Variants in GALNT16 observed in about 807,000 individuals in gnomAD.
The protein encoded by GALNT16 is polypeptide N-acetylgalactosaminyltransferase 16, also known as UDP-GalNAc:polypeptide N-acetylgalactosaminyltransferase-like protein 1.
A neutral mutation model predicts 76.1 loss-of-function variants in GALNT16; 40 were observed. The ratio of observed to expected loss-of-function variants is 0.53; its 90% CI spans 0.41 to 0.68. The LOEUF is 0.68. GALNT16 is among the 30% of genes least tolerant of loss of function. GALNT16 has a pLI of 0.00. For synonymous variants in GALNT16, 276 were observed against 285.2 expected, an observed-to-expected ratio of 0.97 and a Z score of 0.32; for missense variants, 621 against 731.9, an observed-to-expected ratio of 0.85 and a Z score of 1.75.
intron 6 of GALNT16, among the ~76,000 whole-genome samples, 191 bp downstream of exon 6, chr14:69,328,762 C>T (rs2045317647): frequency 6.6e-6 from 1 of 152,180 alleles, no homozygotes; most frequent in South Asian, 2.1e-4. Context: ...TCATAATTAT[C>T]CCACTGGGTT....
intron 1 of GALNT16, among the ~76,000 whole-genome samples, chr14:69,262,854 T>C (rs955407177): frequency 2.6e-5 from 4 of 151,610 alleles, no homozygotes; most frequent in East Asian, 3.9e-4. Context: ...CATCCCCACA[T>C]TGATGCACAC....
In GALNT16 at chr14:69,261,928, T is replaced by A. The variant is rs1566855670; in HGVS notation, c.177+1461T>A. ...CCCAGGACACTGTTTCCAAAGCACT[T>A]GTCGCCCTTTGGACAGAAAACTGAT... On this transcript the variant is annotated intron_variant, in intron 1 of 14. Transcript: ENST00000448469. The surrounding 1 kb of genome is among the most constrained non-coding windows in gnomAD (Gnocchi z 6.4). Among the ~76,000 whole-genome samples the A allele has an allele frequency of 6.6e-6, 1 of 152,184 alleles. No homozygotes were observed. Among genetic ancestry groups the A allele is most frequent in the Admixed American group, 6.5e-5 (1 of 15,286 alleles).
intron 1 of GALNT16, among the ~76,000 whole-genome samples, 171 bp from the exon 2 acceptor site, chr14:69,320,540 C>G (rs1325369268): frequency 6.6e-6 from 1 of 152,056 alleles, no homozygotes. Flanking sequence ...CCTCTTGAGC[C>G]TCAGTTTTCT....
At chr14:69,365,874 G>A in the GALNT16 span, among the ~76,000 whole-genome samples, 2 of 152,250 alleles carry the variant, frequency 1.3e-5, no homozygotes, top group South Asian at 2.1e-4. Context: ...AGGCACAGGC[G>A]ACACAGCAGT....
intron 1 of GALNT16, among the ~76,000 whole-genome samples, chr14:69,263,326 G>A (rs1474862673): frequency 1.3e-5 from 2 of 152,232 alleles, no homozygotes; most frequent in Non-Finnish European, 2.9e-5. Flanking sequence ...GTACGTTCAA[G>A]CTTCTGCAGG....
chr14:69,302,821 A>G (rs1221675430), intron 1 of GALNT16, among the ~76,000 whole-genome samples: 1 of 152,252 alleles, frequency 6.6e-6, no homozygotes, highest in Non-Finnish European at 1.5e-5. Flanking sequence ...AACAAATACT[A>G]TAAAAAAGAA....
rs1475531254 is a variant in GALNT16, at chr14:69,284,770, TG to T, written c.177+24306del. ...TAGTTCCCATAATCCCCATGTGTCG[TG>T]GGAGGGACCTGGTGGGAGGTAATTA... On this transcript the variant is annotated intron_variant, in intron 1 of 14. Coordinates refer to ENST00000448469, the MANE Select transcript of GALNT16 (RefSeq NM_001168368.2). 4.6e-5 allele frequency among the ~76,000 whole-genome samples: 7 copies of T among 152,238 alleles called. No individual in the cohort carries two copies. In the East Asian group the frequency reaches 1.4e-3, roughly 29 times the overall value.
chr14:69,303,875 A>G (rs977809005), intron 1 of GALNT16, among the ~76,000 whole-genome samples: 3 of 152,218 alleles, frequency 2.0e-5, no homozygotes, highest in Non-Finnish European at 4.4e-5. Context: ...AGCAAGATAA[A>G]TGAGAACATC....
chr14:69,375,245 C>G, the GALNT16 span, among the ~76,000 whole-genome samples: 10 of 152,192 alleles, frequency 6.6e-5, no homozygotes, highest in Non-Finnish European at 8.8e-5. Flanking sequence ...GCATGACATA[C>G]TTTCCGCATC....
intron 1 of GALNT16, among the ~76,000 whole-genome samples, chr14:69,299,891 C>T (rs1307911277): frequency 6.6e-6 from 1 of 152,190 alleles, no homozygotes; most frequent in Non-Finnish European, 1.5e-5. Flanking sequence ...GTCCTTATCT[C>T]CTTCTAAGAC....
intron 2 of GALNT16, among the ~76,000 whole-genome samples, chr14:69,323,463 TC>T (rs935160683): frequency 6.6e-6 from 1 of 152,174 alleles, no homozygotes; most frequent in Non-Finnish European, 1.5e-5. Flanking sequence ...TTCCCTCCTT[TC>T]TGGGCACCGG....
intron 1 of GALNT16, among the ~76,000 whole-genome samples, chr14:69,273,674 C>A (rs867823571): frequency 1.8e-4 from 28 of 152,314 alleles, no homozygotes; most frequent in African/African-American, 6.7e-4. Context: ...ATTCTCATCT[C>A]CTTGGGCCAG....
intron 1 of GALNT16, among the ~76,000 whole-genome samples, chr14:69,316,778 G>GGC (rs2045107557): frequency 7.9e-6 from 1 of 126,302 alleles, no homozygotes; most frequent in Non-Finnish European, 1.7e-5. Flanking sequence ...AGTCTGTGAG[G>GGC]GGGGGGGGCA....
intron 1 of GALNT16, among the ~76,000 whole-genome samples, chr14:69,278,651 T>A (rs2044502994): frequency 1.3e-5 from 2 of 152,202 alleles, no homozygotes; most frequent in Admixed American, 1.3e-4. Flanking sequence ...TTAGATTAGG[T>A]TGGACTATAT....
At chr14:69,367,270 G>A in the GALNT16 span, among the ~76,000 whole-genome samples, 6 of 152,032 alleles carry the variant, frequency 3.9e-5, no homozygotes, top group East Asian at 1.9e-4. Context: ...CTCCACCCCC[G>A]CAAACTCATA....
At chr14:69,342,743 C>T (rs1230869031) in intron 12 of GALNT16, among the ~76,000 whole-genome samples, 1 of 152,132 alleles carries the variant, frequency 6.6e-6, no homozygotes, top group Admixed American at 6.5e-5. Context: ...TGTGCGTTCT[C>T]ACAGGACAGT....
chr14:69,361,286 AT>A (rs2045722189), downstream of GALNT16, among the ~76,000 whole-genome samples: 1 of 152,258 alleles, frequency 6.6e-6, no homozygotes, highest in Non-Finnish European at 1.5e-5. Context: ...TGAGACACAC[AT>A]TTTATCTTCT....
Position 69,320,770 on chromosome 14 carries a change from G to A in GALNT16, c.237G>A (p.Leu79=). The A allele has an allele frequency of 6.2e-7, 1 of 1,614,218 alleles. No individual in the cohort carries two copies. The highest frequency in any genetic ancestry group is 1.1e-5 in the South Asian group (1 of 91,086). ...AGGCCTACCTGTCGGCCAAGCAGCT[G>A]AAGGCTGGAGAGGACCCCTACAGAC... is the stretch of plus-strand genomic sequence containing the variant. ...DEKAYLSAKQ[L]KAGEDPYRQH... Residue 79 remains leucine, a synonymous_variant, in exon 2 of 15, where the codon CTG becomes CTA. Coordinates refer to ENST00000448469, the MANE Select transcript of GALNT16 (RefSeq NM_001168368.2).
At chr14:69,331,412 T>C in intron 6 of GALNT16, 52 bp from the exon 7 acceptor site, 3 of 1,037,024 alleles carry the variant, frequency 2.9e-6, no homozygotes, top group South Asian at 1.3e-5. Context: ...CAGCTAGGCC[T>C]TTTTCTGCAG....
Sources: gnomAD v4.1 joint callset for allele counts (sites outside exome capture counted in the v4.1 genomes callset) on GRCh38, gnomAD v4.1.1 for gene constraint, Gnocchi (gnomAD v3.1) non-coding constraint, MANE v1.5 for transcripts, NCBI Gene and HGNC (gene_info 2026-07-23, HGNC 2026-07-21) for gene names.